CLIP2: variants seen among roughly 807,000 people sequenced by gnomAD.
The protein encoded by CLIP2 is CAP-Gly domain-containing linker protein 2.
A neutral mutation model predicts 111.7 loss-of-function variants in CLIP2; 41 were observed. The ratio of observed to expected loss-of-function variants is 0.37; its 90% confidence interval spans 0.29 to 0.48. The LOEUF is 0.48. CLIP2 is among the 20% of genes least tolerant of loss of function. CLIP2 has a pLI of 0.99. For missense variants in CLIP2, 1,160 were observed against 1,422.1 expected (o/e 0.82, Z 2.96); for synonymous variants, 660 against 644.2 (o/e 1.02, Z -0.37).
intron 10 of CLIP2, among the ~76,000 whole-genome samples, chr7:74,377,974 C>T (rs927734869): frequency 1.3e-5 from 2 of 152,012 alleles, no homozygotes; most frequent in Admixed American, 6.6e-5. Flanking sequence ...TACAGGCATG[C>T]ACCACCACGC....
At chr7:74,372,832 CT>C in intron 8 of CLIP2, 99 bp from the exon 9 acceptor site, 1 of 634,204 alleles carries the variant, frequency 1.6e-6, no homozygotes, top group Non-Finnish European at 2.7e-6. Context: ...TCCTCTCTCT[CT>C]CTCTCTCTTT....
chr7:74,368,282 C>T (rs2116634953), intron 8 of CLIP2, among the ~76,000 whole-genome samples: 1 of 152,090 alleles, frequency 6.6e-6, no homozygotes, highest in South Asian at 2.1e-4. Flanking sequence ...CTTTGGGAGG[C>T]CGAGGTGGGC....
intron 16 of CLIP2, among the ~76,000 whole-genome samples, chr7:74,403,092 G>A (rs1444222138): frequency 6.6e-6 from 1 of 150,414 alleles, no homozygotes. Flanking sequence ...GGTGGCACAT[G>A]CCTGTAGTCC....
At chr7:74,339,781 T>C (rs1789604114) in intron 3 of CLIP2, among the ~76,000 whole-genome samples, 1 of 152,092 alleles carries the variant, frequency 6.6e-6, no homozygotes, top group Non-Finnish European at 1.5e-5. Flanking sequence ...GGCTGGGAAC[T>C]GGAGTTCTCA....
chr7:74,388,497 C>CA (rs879977310), intron 12 of CLIP2, among the ~76,000 whole-genome samples: 223 of 128,082 alleles, frequency 1.7e-3, no homozygotes, highest in Middle Eastern at 4.5e-3. Flanking sequence ...GACTCCGTCT[C>CA]AAAAAAAAAA....
At position 74,376,263 on chromosome 7, in the gene CLIP2, C is replaced by A. The variant is rs782404604; in HGVS notation, c.1862C>A (p.Ala621Asp). ...TGGAAATCCAAGCTGGACTCGCTGGCCTCGGACCACCAGAAGTCCCTGGAG... is the reference window on the plus strand; with the variant it reads ...TGGAAATCCAAGCTGGACTCGCTGGACTCGGACCACCAGAAGTCCCTGGAG... ...DNWKSKLDSL[A>D]SDHQKSLEDL... Residue 621 changes from alanine (A) to aspartate (D), a missense_variant, in exon 10 of 17, where the codon GCC becomes GAC. This residue lies in a region of CLIP2 where 676 missense variants were observed against 777.8 expected (regional missense o/e 0.87). Coordinates refer to ENST00000223398, the MANE Select transcript of CLIP2 (RefSeq NM_003388.5). This position sits in a 1 kb window ranked among gnomAD's most constrained non-coding sequence, Gnocchi z 7.1. 2 of 1,612,490 alleles carry A rather than the reference C, an allele frequency of 1.2e-6. No individual in the cohort carries two copies. Among genetic ancestry groups the A allele is most frequent in the Non-Finnish European group, 1.7e-6 (2 of 1,179,328 alleles).
At chr7:74,333,187 T>C (rs1554731587) in intron 2 of CLIP2, among the ~76,000 whole-genome samples, 1 of 152,172 alleles carries the variant, frequency 6.6e-6, no homozygotes, top group East Asian at 1.9e-4. Flanking sequence ...AGGAGGTTTA[T>C]TTTAATTTTT....
chr7:74,344,641 G>A (rs1329002580), intron 3 of CLIP2, among the ~76,000 whole-genome samples: 3 of 151,966 alleles, frequency 2.0e-5, no homozygotes, highest in African/African-American at 7.3e-5. Context: ...GGCCTCAAGC[G>A]ATCCTCCTGC....
chr7:74,402,203 A>G (rs1457862969), intron 16 of CLIP2, among the ~76,000 whole-genome samples: 1 of 151,774 alleles, frequency 6.6e-6, no homozygotes, highest in East Asian at 1.9e-4. Context: ...GGTGGCGGGC[A>G]CCTGTAGTTC....
chr7:74,377,090 A>G lies in CLIP2; in HGVS notation c.2421+268A>G, dbSNP rs558028508. The stretch of plus-strand genomic sequence containing the variant: ...CCCCGCACAGAGCAGACCTGGAGAG[A>G]TGGGACCTCCGTGCAGAGGACGGGC... On this transcript the variant is annotated intron_variant, in intron 10 of 16. Transcript: ENST00000223398. 5.9e-5 allele frequency among the ~76,000 whole-genome samples: 9 copies of G among 152,210 alleles called. No individual in the cohort carries two copies. In the East Asian group the frequency reaches 1.7e-3, roughly 30 times the overall value.
At chr7:74,305,176 C>T (rs868977114) in intron 1 of CLIP2, among the ~76,000 whole-genome samples, 7 of 152,186 alleles carry the variant, frequency 4.6e-5, no homozygotes, top group African/African-American at 1.7e-4. Flanking sequence ...ACTGTGCCAT[C>T]CGTGCCCACC....
Position 74,380,846 on chromosome 7 carries a change from C to T in CLIP2, c.2462C>T (p.Thr821Met), listed in dbSNP as rs782465626. 2.3e-5 allele frequency: 37 copies of T among 1,613,332 alleles called. No individual in the cohort carries two copies. The highest frequency in any genetic ancestry group is 8.3e-5 in the Admixed American group (5 of 59,972). The part of the protein sequence containing the change: ...SNDISEETIR[T>M]KETVEGLQDK... The stretch of plus-strand genomic sequence containing the variant: ...GACATTTCAGAGGAGACGATCAGGA[C>T]GAAGGAAACTGTGGAGGGTGAGTGG... The change falls in exon 11 of 17, where the codon ACG (threonine) becomes ATG (methionine). Residue 821 changes from threonine (T) to methionine (M), a missense_variant. Physicochemically the swap from Thr to Met is moderately conservative, Grantham distance 81. Transcript: ENST00000223398.
At chr7:74,306,012 C>T (rs1788477312) in intron 1 of CLIP2, among the ~76,000 whole-genome samples, 1 of 152,002 alleles carries the variant, frequency 6.6e-6, no homozygotes, top group South Asian at 2.1e-4. Flanking sequence ...TCCAGGAGAC[C>T]CTGCCTGTCT....
intron 5 of CLIP2, 36 bp from the exon 6 acceptor site, chr7:74,357,244 T>G: frequency 1.2e-6 from 2 of 1,601,468 alleles, no homozygotes; most frequent in Non-Finnish European, 1.7e-6. Context: ...GTGCTTCAGA[T>G]CCCTGAGACC....
At chr7:74,351,063 AAG>A (rs1482067749) in intron 3 of CLIP2, among the ~76,000 whole-genome samples, 1 of 72,284 alleles carries the variant, frequency 1.4e-5, no homozygotes, top group African/African-American at 3.9e-5. Context: ...AGAAGAAAGA[AAG>A]AGAAAGAAAG....
intron 2 of CLIP2, among the ~76,000 whole-genome samples, chr7:74,318,350 G>A (rs1231059959): frequency 6.6e-6 from 1 of 152,066 alleles, no homozygotes; most frequent in Non-Finnish European, 1.5e-5. Context: ...GCTACGGGAG[G>A]GTTTAAACCA....
Position 74,376,919 on chromosome 7 carries a change from T to G in CLIP2, c.2421+97T>G, listed in dbSNP as rs1189849507. On this transcript the variant is annotated intron_variant, in intron 10 of 16. Transcript: ENST00000223398. The surrounding 1 kb of genome is among the most constrained non-coding windows in gnomAD (Gnocchi z 7.1). Reference sequence around the variant, plus strand: ...TTCTGCAGCCCAGGAAGCATTTCCCTTGTCCCCGAGAGCATGCCTGGGGCA... The same window carrying G: ...TTCTGCAGCCCAGGAAGCATTTCCCGTGTCCCCGAGAGCATGCCTGGGGCA... 6 of 1,235,082 alleles carry G rather than the reference T, an allele frequency of 4.9e-6. No individual in the cohort carries two copies. Among genetic ancestry groups the G allele is most frequent in the Non-Finnish European group, 5.5e-6 (5 of 914,388 alleles). The allele number at this position is 1,235,082 out of a possible 1,614,324, so 76.5% of individuals were successfully genotyped here.
Position 74,376,352 on chromosome 7 carries a change from G to A in CLIP2, c.1951G>A (p.Ala651Thr), listed in dbSNP as rs782350168. The A allele has an allele frequency of 9.9e-6, 16 of 1,614,018 alleles. No homozygotes were observed. The Middle Eastern group carries it at 9.9e-4, about 100-fold the overall frequency. Reference sequence around the variant, plus strand: ...GCAGAAGGAGATCGGCGAGCTGAAGGCAGTGATGGAGGGCATCAAGATGGA... The same window carrying A: ...GCAGAAGGAGATCGGCGAGCTGAAGACAGTGATGGAGGGCATCAAGATGGA... ...AQQKEIGELK[A>T]VMEGIKMEHQ... Residue 651 changes from alanine (A) to threonine (T), a missense_variant, in exon 10 of 17, where the codon GCA becomes ACA. Ala to Thr is a moderately conservative substitution (Grantham distance 58). Around this residue, in one of 5 missense-constraint regions of CLIP2, gnomAD observed 676 missense variants for 777.8 expected, o/e 0.87. Transcript: ENST00000223398. The surrounding 1 kb of genome is among the most constrained non-coding windows in gnomAD (Gnocchi z 7.1).
intron 13 of CLIP2, 24 bp from the exon 14 acceptor site, chr7:74,397,050 G>A (rs782058740): frequency 6.2e-7 from 1 of 1,610,996 alleles, no homozygotes; most frequent in South Asian, 1.1e-5. Flanking sequence ...GAGTGCAGTG[G>A]TTCTGTGCCC....
Sources: allele counts gnomAD v4.1 joint callset (sites outside exome capture counted in the v4.1 genomes callset), GRCh38; gene constraint gnomAD v4.1.1; regional missense constraint gnomAD v4.1.1; non-coding constraint Gnocchi (gnomAD v3.1); transcripts MANE v1.5; gene names NCBI Gene and HGNC (gene_info 2026-07-23, HGNC 2026-07-21).